HTR1F: variants seen among roughly 807,000 people sequenced by gnomAD.
HTR1F encodes 5-hydroxytryptamine receptor 1F.
Under a neutral mutation model 24.0 loss-of-function variants are expected in HTR1F, and 17 were observed. The ratio of observed to expected loss-of-function variants is 0.71; its 90% CI spans 0.48 to 1.06. The LOEUF (loss-of-function observed/expected upper bound fraction) is 1.06. Ranked by LOEUF, HTR1F falls within the 50% of genes least tolerant of loss-of-function variation. HTR1F has a pLI of 0.00. For missense variants in HTR1F, 391 were observed against 427.8 expected, an observed-to-expected ratio of 0.91 and a Z score of 0.76; for synonymous variants, 186 against 156.8, an observed-to-expected ratio of 1.19 and a Z score of -1.39.
intron 2 of HTR1F, among the ~76,000 whole-genome samples, 38 bp downstream of exon 2, chr3:87,822,162 A>G (rs998366281): frequency 1.3e-5 from 2 of 152,142 alleles, no homozygotes; most frequent in African/African-American, 4.8e-5. Context: ...AGAAAAATAA[A>G]TTGACAATTA....
chr3:87,953,145 ATATAT>A (rs796522434), intron 2 of HTR1F, among the ~76,000 whole-genome samples: 5 of 151,882 alleles, frequency 3.3e-5, no homozygotes, highest in African/African-American at 9.6e-5. Flanking sequence ...GTCTAAGCAA[ATATAT>A]TATAACTAAG....
At chr3:87,803,585 C>A (rs1049847783) in intron 1 of HTR1F, among the ~76,000 whole-genome samples, 2 of 152,108 alleles carry the variant, frequency 1.3e-5, no homozygotes, top group Non-Finnish European at 2.9e-5. Context: ...TGGAACATTA[C>A]TCAGAAGCAG....
chr3:87,834,750 A>C, intron 2 of HTR1F, among the ~76,000 whole-genome samples: 1 of 152,212 alleles, frequency 6.6e-6, no homozygotes, highest in East Asian at 1.9e-4. Flanking sequence ...ATTGTTTTAA[A>C]AATCAAAAGG....
intron 2 of HTR1F, among the ~76,000 whole-genome samples, chr3:87,878,950 T>C (rs1293599805): frequency 6.6e-6 from 1 of 152,206 alleles, no homozygotes; most frequent in Non-Finnish European, 1.5e-5. Flanking sequence ...AGAAATTATG[T>C]AATTAACACC....
chr3:87,859,975 T>TA (rs1705281725), intron 2 of HTR1F, among the ~76,000 whole-genome samples: 1 of 152,110 alleles, frequency 6.6e-6, no homozygotes, highest in South Asian at 2.1e-4. Context: ...AAAACAAAAA[T>TA]AAAAAACAAT....
In HTR1F at chr3:87,821,837, T is replaced by G. The variant is rs182316913; in HGVS notation, c.-159-171T>G. On this transcript the variant is annotated intron_variant, in intron 1 of 2. Coordinates refer to ENST00000319595, the MANE Select transcript of HTR1F (RefSeq NM_001322209.2). ...CATCTCCCCCCAAAAAAGACGTTTT[T>G]TCTTTTATTGACTTCTAAACCGGAT... Among the ~76,000 whole-genome samples, 698 of 143,830 alleles carry G rather than the reference T, an allele frequency of 4.9e-3. 5 individuals are homozygous for G. The highest frequency in any genetic ancestry group is 0.019 in the African/African-American group (647 of 33,298). The allele number at this position is 143,830 out of a possible 152,430, so 94.4% of individuals were successfully genotyped here. A position where few individuals can be genotyped will look rare whatever the true frequency, so the allele number is the denominator to read the frequency against.
At chr3:87,868,434 A>G (rs529229752) in intron 2 of HTR1F, among the ~76,000 whole-genome samples, 317 of 152,154 alleles carry the variant, frequency 2.1e-3, no homozygotes, top group Non-Finnish European at 3.6e-3. Flanking sequence ...GTTAAGAAGG[A>G]TATAATTAGA....
intron 2 of HTR1F, among the ~76,000 whole-genome samples, chr3:87,842,684 ACAGTATC>A (rs1454955368): frequency 6.6e-6 from 1 of 151,962 alleles, no homozygotes; most frequent in Non-Finnish European, 1.5e-5. Context: ...CTAATGTAAA[ACAGTATC>A]CAAATTTCTG....
chr3:87,899,751 G>A (rs1418597136), intron 2 of HTR1F, among the ~76,000 whole-genome samples: 1 of 152,070 alleles, frequency 6.6e-6, no homozygotes, highest in African/African-American at 2.4e-5. Flanking sequence ...TGTAATCCCA[G>A]CTACTCGGGA....
At chr3:87,980,678 C>CATGT (rs1553684027) in intron 2 of HTR1F, among the ~76,000 whole-genome samples, 1 of 1,408 alleles carries the variant, frequency 7.1e-4, no homozygotes, top group South Asian at 0.12. Flanking sequence ...TCAGGCTGTA[C>CATGT]TGAGGGGCAT....
chr3:87,870,390 C>T (rs1237970441), intron 2 of HTR1F, among the ~76,000 whole-genome samples: 2 of 152,080 alleles, frequency 1.3e-5, no homozygotes, highest in Non-Finnish European at 1.5e-5. Context: ...AGCCAAAAAG[C>T]TTTACCAGGA....
intron 2 of HTR1F, among the ~76,000 whole-genome samples, chr3:87,866,834 G>GTT (rs1360145489): frequency 1.3e-5 from 2 of 150,354 alleles, no homozygotes; most frequent in East Asian, 3.9e-4. Context: ...GTGTGTGTGT[G>GTT]TGTGTGTGTG....
chr3:87,873,357 A>G (rs1168950208), intron 2 of HTR1F, among the ~76,000 whole-genome samples: 2 of 152,142 alleles, frequency 1.3e-5, no homozygotes, highest in East Asian at 1.9e-4. Flanking sequence ...TGATGTAAAC[A>G]TGAGTCAGAG....
chr3:87,937,223 A>G (rs993645577), intron 2 of HTR1F, among the ~76,000 whole-genome samples: 6 of 152,176 alleles, frequency 3.9e-5, no homozygotes, highest in Admixed American at 3.9e-4. Context: ...TGATGCAAAA[A>G]TCCTCAACAA....
At chr3:87,928,038 A>G (rs1704169473) in intron 2 of HTR1F, among the ~76,000 whole-genome samples, 2 of 146,688 alleles carry the variant, frequency 1.4e-5, no homozygotes, top group South Asian at 2.1e-4. Context: ...CAATAGTTCA[A>G]TATCTTTGCT....
intron 2 of HTR1F, among the ~76,000 whole-genome samples, chr3:87,843,076 C>T (rs781161792): frequency 6.6e-6 from 1 of 151,808 alleles, no homozygotes; most frequent in African/African-American, 2.4e-5. Flanking sequence ...CAATTGAAGC[C>T]GCTGAGGTTT....
intron 2 of HTR1F, among the ~76,000 whole-genome samples, chr3:87,871,399 A>G (rs1411712128): frequency 3.3e-5 from 5 of 152,000 alleles, no homozygotes; most frequent in Admixed American, 2.6e-4. Context: ...AGAAAAGCCT[A>G]TGGGACTTAT....
intron 2 of HTR1F, among the ~76,000 whole-genome samples, chr3:87,945,993 TG>T (rs1003632030): frequency 6.6e-6 from 1 of 152,056 alleles, no homozygotes; most frequent in African/African-American, 2.4e-5. Context: ...TTACAAGGAA[TG>T]GAACCTTGGG....
At position 87,991,907 on chromosome 3, in the gene HTR1F, T is replaced by C. The variant is rs1299761395; in HGVS notation, c.*57T>C. 7.1e-7 allele frequency: 1 copy of C among 1,404,854 alleles called. No homozygotes were observed. Among genetic ancestry groups the C allele is most frequent in the Non-Finnish European group, 9.6e-7 (1 of 1,039,770 alleles). 87.0% of individuals were successfully genotyped at this position (1,404,854 alleles called of 1,614,324 possible). The stretch of plus-strand genomic sequence containing the variant: ...GTTTTTGAGGGGAGGAATAACTAGA[T>C]GAATGCCAAATAATAAAACACTTAA... On this transcript the variant is annotated 3_prime_UTR_variant, in exon 3 of 3. Coordinates refer to ENST00000319595, the MANE Select transcript of HTR1F (RefSeq NM_001322209.2).
Sources: gnomAD v4.1 joint callset for allele counts (sites outside exome capture counted in the v4.1 genomes callset) on GRCh38, gnomAD v4.1.1 for gene constraint, MANE v1.5 for transcripts, NCBI Gene and HGNC (gene_info 2026-07-23, HGNC 2026-07-21) for gene names.